The following TNRC6B variants were observed in gnomAD, a reference collection of about 807,000 sequenced individuals.
TNRC6B encodes trinucleotide repeat-containing gene 6B protein.
Under a neutral mutation model 203.6 loss-of-function variants are expected in TNRC6B, and 52 were observed. The observed-to-expected ratio is 0.26, with a 90% CI of 0.20 to 0.32. TNRC6B has a LOEUF of 0.32. Ranked by LOEUF, TNRC6B falls within the 10% of genes least tolerant of loss-of-function variation. TNRC6B has a pLI of 1.00. For missense variants in TNRC6B, 1,923 were observed against 2,286.2 expected, an observed-to-expected ratio of 0.84 and a Z score of 3.24; for synonymous variants, 838 against 845.7, an observed-to-expected ratio of 0.99 and a Z score of 0.16.
chr22:40,072,714 A>G (rs1251127427), intron 1 of TNRC6B, among the ~76,000 whole-genome samples: 1 of 152,074 alleles, frequency 6.6e-6, no homozygotes, highest in Non-Finnish European at 1.5e-5. Flanking sequence ...AAATACAAAA[A>G]TTAGCCGGGC....
intron 1 of TNRC6B, among the ~76,000 whole-genome samples, chr22:40,084,426 A>G (rs1355901627): frequency 1.3e-5 from 2 of 152,190 alleles, no homozygotes; most frequent in East Asian, 1.9e-4. Flanking sequence ...GTGTTGGGCT[A>G]GGTTATGCAT....
intron 1 of TNRC6B, among the ~76,000 whole-genome samples, chr22:40,064,372 A>ATT (rs913212563): frequency 7.1e-6 from 1 of 141,310 alleles, no homozygotes; most frequent in African/African-American, 2.6e-5. Context: ...ATGTTAGCTG[A>ATT]TTTTTTTTTT....
At position 40,331,645 on chromosome 22, in the gene TNRC6B, ATTT is replaced by A. The variant is rs10534254; in HGVS notation, c.*8427_*8429del. 0.067 allele frequency: 8,806 copies of A among 132,226 alleles called. 38 individuals carry two copies. Among genetic ancestry groups the A allele is most frequent in the East Asian group, 0.1 (886 of 8,644 alleles). The allele number at this position is 132,226 out of a possible 1,614,324, so 8.2% of individuals were successfully genotyped here. On this transcript the variant is annotated 3_prime_UTR_variant, in exon 23 of 23. Coordinates refer to ENST00000454349, the MANE Select transcript of TNRC6B (RefSeq NM_001162501.2). ...ACTGAATTTAAGAAGAGGTTGTTGG[ATTT>A]TTTTTTTTTTTTTTTTTTTTTTCAA...
intron 1 of TNRC6B, among the ~76,000 whole-genome samples, chr22:40,102,163 A>G (rs1001412151): frequency 1.3e-5 from 2 of 152,238 alleles, no homozygotes; most frequent in Admixed American, 1.3e-4. Flanking sequence ...AAAAAACATT[A>G]TATACTATGC....
intron 2 of TNRC6B, among the ~76,000 whole-genome samples, chr22:40,125,347 A>G (rs1379341835): frequency 6.6e-6 from 1 of 152,220 alleles, no homozygotes; most frequent in African/African-American, 2.4e-5. Flanking sequence ...AAACCCTGCC[A>G]ATTCCAATAG....
intron 8 of TNRC6B, 40 bp from the exon 9 acceptor site, chr22:40,277,958 GT>G: frequency 6.9e-7 from 1 of 1,452,322 alleles, no homozygotes. Flanking sequence ...ATTCAAAGAT[GT>G]GCATCCTTAA....
At position 40,213,258 on chromosome 22, in the gene TNRC6B, A is replaced by C. The variant is rs1228130914; in HGVS notation, c.6-32757A>C. Among the ~76,000 whole-genome samples, 6 of 152,342 alleles carry C rather than the reference A, an allele frequency of 3.9e-5. No homozygotes were observed. In the East Asian group the frequency reaches 7.7e-4, roughly 20 times the overall value. On this transcript the variant is annotated intron_variant, in intron 1 of 22. Transcript: ENST00000454349. ...TTTTATGTTATATATATTTTACCAT[A>C]ATGGAAAGTCAAAGAGCACATGGTG...
intron 12 of TNRC6B, among the ~76,000 whole-genome samples, chr22:40,296,546 A>G (rs1280514501): frequency 6.6e-6 from 1 of 151,050 alleles, no homozygotes; most frequent in African/African-American, 2.4e-5. Context: ...GTTAGCCAGG[A>G]TGGTTGCGAT....
chr22:40,292,083 G>T (rs1215856643), intron 12 of TNRC6B, among the ~76,000 whole-genome samples: 1 of 152,180 alleles, frequency 6.6e-6, no homozygotes, highest in African/African-American at 2.4e-5. Flanking sequence ...AGTCCCAGCT[G>T]CTCAGGAGGC....
intron 1 of TNRC6B, among the ~76,000 whole-genome samples, chr22:40,206,645 C>T (rs1431579385): frequency 2.0e-5 from 3 of 152,068 alleles, no homozygotes; most frequent in African/African-American, 4.8e-5. Flanking sequence ...AGGATTTAAC[C>T]TGCTAGATCC....
intron 4 of TNRC6B, among the ~76,000 whole-genome samples, chr22:40,168,727 G>T (rs1392515982): frequency 1.3e-5 from 2 of 152,084 alleles, no homozygotes; most frequent in Admixed American, 6.6e-5. Context: ...TTTCTTGTCA[G>T]CCTACCTCCT....
intron 3 of TNRC6B, among the ~76,000 whole-genome samples, chr22:40,254,340 A>G (rs1379452720): frequency 6.6e-6 from 1 of 152,180 alleles, no homozygotes; most frequent in East Asian, 1.9e-4. Context: ...GAAGTTGGAC[A>G]TAGATATTGA....
intron 1 of TNRC6B, among the ~76,000 whole-genome samples, chr22:40,113,187 G>C (rs924417745): frequency 6.6e-6 from 1 of 152,158 alleles, no homozygotes; most frequent in African/African-American, 2.4e-5. Flanking sequence ...GGTTAAAGAG[G>C]ATGTTTTTAG....
Position 40,325,719 on chromosome 22 carries a change from A to G in TNRC6B, c.*2478A>G, listed in dbSNP as rs2071393456. 6.6e-6 allele frequency: 1 copy of G among 152,564 alleles called. No homozygotes were observed. Among genetic ancestry groups the G allele is most frequent in the African/African-American group, 2.4e-5 (1 of 41,416 alleles). 9.5% of individuals were successfully genotyped at this position (152,564 alleles called of 1,614,324 possible). A position where few individuals can be genotyped will look rare whatever the true frequency, so the allele number is the denominator to read the frequency against. ...GCAGCTTGTATTCAGACATCTAGAG[A>G]AGGTTAAATCTTAGTGTCCCTGGGC... On this transcript the variant is annotated 3_prime_UTR_variant, in exon 23 of 23. Coordinates refer to ENST00000454349, the MANE Select transcript of TNRC6B (RefSeq NM_001162501.2).
rs2071425761 is a variant in TNRC6B, at chr22:40,328,177, G to A, written c.*4936G>A. On this transcript the variant is annotated 3_prime_UTR_variant, in exon 23 of 23. Coordinates refer to ENST00000454349, the MANE Select transcript of TNRC6B (RefSeq NM_001162501.2). ...AACATTCATAGGAGTTAACTTAGCA[G>A]TGTTGCAAGTTAAGGTTCCAAACCA... The A allele has an allele frequency of 6.6e-6, 1 of 152,220 alleles. No individual in the cohort carries two copies. The highest frequency in any genetic ancestry group is 1.5e-5 in the Non-Finnish European group (1 of 68,040). The allele number at this position is 152,220 out of a possible 1,614,324, so 9.4% of individuals were successfully genotyped here.
intron 1 of TNRC6B, among the ~76,000 whole-genome samples, chr22:40,092,127 G>T (rs186250526): frequency 1.3e-5 from 2 of 152,194 alleles, no homozygotes; most frequent in Non-Finnish European, 2.9e-5. Flanking sequence ...TTGAGGCCAG[G>T]CGTGTTGGCT....
intron 12 of TNRC6B, among the ~76,000 whole-genome samples, chr22:40,298,166 T>TA (rs1382925864): frequency 1.3e-5 from 2 of 151,514 alleles, no homozygotes; most frequent in Admixed American, 6.6e-5. Flanking sequence ...AAAAAATCAT[T>TA]AAAAAAAACC....
At chr22:40,301,415 C>A (rs1601505368) in intron 15 of TNRC6B, 82 bp downstream of exon 15, 25 of 1,376,272 alleles carry the variant, frequency 1.8e-5, no homozygotes, top group Non-Finnish European at 2.4e-5. Flanking sequence ...GCATTACCCT[C>A]CTTTTTTATG....
intron 6 of TNRC6B, among the ~76,000 whole-genome samples, chr22:40,272,270 C>T (rs1271171675): frequency 6.6e-6 from 1 of 152,160 alleles, no homozygotes; most frequent in Non-Finnish European, 1.5e-5. Context: ...ACAATGAACC[C>T]CACTGGGAGA....
Sources: gnomAD v4.1 joint callset for allele counts (sites outside exome capture counted in the v4.1 genomes callset) on GRCh38, gnomAD v4.1.1 for gene constraint, MANE v1.5 for transcripts, NCBI Gene and HGNC (gene_info 2026-07-23, HGNC 2026-07-21) for gene names.